GIT1: variants seen among roughly 807,000 people sequenced by gnomAD.
The protein encoded by GIT1 is ARF GTPase-activating protein GIT1.
GIT1 carries 14 observed loss-of-function variants against 91.7 expected under a neutral mutation model. The ratio of observed to expected loss-of-function variants is 0.15; its 90% CI spans 0.10 to 0.24. The LOEUF is 0.24. Among genes scored for constraint, GIT1 ranks in the 10% least tolerant of loss-of-function variants. The pLI is 1.00. For synonymous variants in GIT1, 414 were observed against 418.2 expected (o/e 0.99, Z 0.12); for missense variants, 717 against 1,024.9 (o/e 0.70, Z 4.10).
chr17:29,579,778 C>T (rs543003293), intron 7 of GIT1, among the ~76,000 whole-genome samples: 6 of 152,282 alleles, frequency 3.9e-5, no homozygotes, highest in Admixed American at 3.9e-4. Flanking sequence ...ATCCTCTCCT[C>T]CCTGAAAAAT....
chr17:29,574,626 G>A lies in GIT1; in HGVS notation c.*76C>T, dbSNP rs1329245326. ...TGTGCCAGTGGCTCTGTTGGGGTGGGGATTAATGTCTGGAGTGGCCCAGCT... is the reference window on the plus strand; with the variant it reads ...TGTGCCAGTGGCTCTGTTGGGGTGGAGATTAATGTCTGGAGTGGCCCAGCT... On this transcript the variant is annotated 3_prime_UTR_variant, in exon 20 of 20. Coordinates refer to ENST00000225394, the MANE Select transcript of GIT1 (RefSeq NM_014030.4). The A allele has an allele frequency of 8.4e-7, 1 of 1,197,202 alleles. No individual in the cohort carries two copies. Among genetic ancestry groups the A allele is most frequent in the Non-Finnish European group, 1.2e-6 (1 of 807,848 alleles). 74.2% of individuals were successfully genotyped at this position (1,197,202 alleles called of 1,614,324 possible).
chr17:29,574,433 G>T lies in GIT1; in HGVS notation c.*269C>A. ...GGCGAGGGGCTGGGAGTGATGCCTT[G>T]CAGGCCCCTGCTCACTAGGAGGGGG... On this transcript the variant is annotated 3_prime_UTR_variant, in exon 20 of 20. Transcript: ENST00000225394. The T allele has an allele frequency of 2.0e-6, 1 of 503,786 alleles. No homozygotes were observed. Among genetic ancestry groups the T allele is most frequent in the East Asian group, 3.5e-5 (1 of 28,284 alleles). 31.2% of individuals were successfully genotyped at this position (503,786 alleles called of 1,614,324 possible). A position where few individuals can be genotyped will look rare whatever the true frequency, so the allele number is the denominator to read the frequency against.
intron 9 of GIT1, 87 bp from the exon 10 acceptor site, chr17:29,577,829 C>T: frequency 1.2e-6 from 1 of 809,310 alleles, no homozygotes; most frequent in South Asian, 1.4e-5. Context: ...GCCTTCCTAG[C>T]TGCCCCCACG....
chr17:29,585,314 T>TTCCTCTTGGTGGGG (rs2033557863), intron 1 of GIT1, among the ~76,000 whole-genome samples: 1 of 152,068 alleles, frequency 6.6e-6, no homozygotes, highest in Non-Finnish European at 1.5e-5. Flanking sequence ...GCAGCCCAAA[T>TTCCTCTTGGTGGGG]TCCTCTTGGT....
Position 29,574,681 on chromosome 17 carries a change from G to A in GIT1, c.*21C>T, listed in dbSNP as rs762988606. On this transcript the variant is annotated 3_prime_UTR_variant, in exon 20 of 20. Transcript: ENST00000225394. ...TGGCCAGTGAGGTCCTAGGGTGCAGGTGAGGGTGTGGGGAGAGAGGTCACT... is the reference window on the plus strand; with the variant it reads ...TGGCCAGTGAGGTCCTAGGGTGCAGATGAGGGTGTGGGGAGAGAGGTCACT... 1.1e-5 allele frequency: 18 copies of A among 1,584,606 alleles called. No homozygotes were observed. The highest frequency in any genetic ancestry group is 3.3e-5 in the Admixed American group (2 of 59,852).
At position 29,581,310 on chromosome 17, in the gene GIT1, T is replaced by C. The variant is rs1362568954; in HGVS notation, c.761+28A>G. ...CACCCACATGGCATCCAACAGCCTC[T>C]GGAAAGGGGCATCAGGTGGGCACTC... is the stretch of plus-strand genomic sequence containing the variant. On this transcript the variant is annotated intron_variant, in intron 7 of 19. Coordinates refer to ENST00000225394, the MANE Select transcript of GIT1 (RefSeq NM_014030.4). This position sits in a 1 kb window ranked among gnomAD's most constrained non-coding sequence, Gnocchi z 4.8. 6.3e-7 allele frequency: 1 copy of C among 1,589,696 alleles called. No individual in the cohort carries two copies. Among genetic ancestry groups the C allele is most frequent in the East Asian group, 2.2e-5 (1 of 44,800 alleles).
At chr17:29,578,443 G>A (rs1339132427) in intron 8 of GIT1, 72 bp from the exon 9 acceptor site, 2 of 1,405,628 alleles carry the variant, frequency 1.4e-6, no homozygotes, top group African/African-American at 2.8e-5. Context: ...TCCCCAGCAT[G>A]TTGTGAGCCT....
intron 2 of GIT1, 124 bp from the exon 3 acceptor site, chr17:29,583,161 C>T: frequency 1.5e-6 from 1 of 681,202 alleles, no homozygotes; most frequent in Non-Finnish European, 2.6e-6. Context: ...CTACTGTGTG[C>T]CCGCACCACC....
At chr17:29,583,272 A>T (rs897580202) in intron 2 of GIT1, among the ~76,000 whole-genome samples, 4 of 152,184 alleles carry the variant, frequency 2.6e-5, no homozygotes, top group African/African-American at 9.7e-5. Context: ...GACCACGTTG[A>T]TAAGTGGCAG....
chr17:29,574,755 C>T lies in GIT1; in HGVS notation c.2233G>A (p.Ala745Thr), dbSNP rs975963915. 8 of 1,613,388 alleles carry T rather than the reference C, an allele frequency of 5.0e-6. No homozygotes were observed. Among genetic ancestry groups the T allele is most frequent in the Admixed American group, 1.7e-5 (1 of 59,974 alleles). ...GTGACCAGCTGCTTGGCAGCCTTGGCGATGTCATAGGCGCACTGGATCACC... is the reference window on the plus strand; with the variant it reads ...GTGACCAGCTGCTTGGCAGCCTTGGTGATGTCATAGGCGCACTGGATCACC... ...QQVIQCAYDI[A>T]KAAKQLVTIT... The change falls in exon 20 of 20, where the codon GCC becomes ACC. Residue 745 changes from alanine to threonine, a missense_variant. Around this residue, in one of 3 missense-constraint regions of GIT1, gnomAD observed 134 missense variants for 223.8 expected, o/e 0.60. Coordinates refer to ENST00000225394, the MANE Select transcript of GIT1 (RefSeq NM_014030.4).
chr17:29,574,003 C>G lies in GIT1; in HGVS notation c.*699G>C, dbSNP rs1049398589. On this transcript the variant is annotated 3_prime_UTR_variant, in exon 20 of 20. Transcript: ENST00000225394. ...GCTGGTCCCACTGCTCTGGTCCCCT[C>G]ACCCCTCAAAACTCCAGATGGACCA... 2.0e-5 allele frequency: 3 copies of G among 152,496 alleles called. No individual in the cohort carries two copies. The allele number at this position is 152,496 out of a possible 1,614,324, so 9.4% of individuals were successfully genotyped here.
chr17:29,583,701 G>C (rs918903810), intron 1 of GIT1, 85 bp from the exon 2 acceptor site: 2 of 1,410,880 alleles, frequency 1.4e-6, no homozygotes, highest in Non-Finnish European at 1.9e-6. Flanking sequence ...GCCAAGCCTA[G>C]TACTCTCCAC....
chr17:29,575,415 G>C lies in GIT1; in HGVS notation c.1882C>G (p.Leu628Val), dbSNP rs773724411. The change falls in exon 18 of 20, where the codon CTG becomes GTG. Residue 628 changes from leucine (L) to valine (V), a missense_variant. Transcript: ENST00000225394. The surrounding 1 kb of genome is among the most constrained non-coding windows in gnomAD (Gnocchi z 5.5). The stretch of plus-strand genomic sequence containing the variant: ...TCTAGGTCTCCATCCAGGCTTTCCA[G>C]CTCTGGGTGGAAGTCTTCCTCTTTG... ...LGKEEDFHPE[L>V]ESLDGDLDPG... 3.7e-6 allele frequency: 6 copies of C among 1,613,226 alleles called. No homozygotes were observed. The highest frequency in any genetic ancestry group is 5.1e-6 in the Non-Finnish European group (6 of 1,179,434).
Position 29,577,004 on chromosome 17 carries a change from C to T in GIT1, c.1094-8G>A. ...GAGACAGCTCGAGGTTGTCTGAGGACACAGGAGTGTCACTCAGGCCACACT... is the reference window on the plus strand; with the variant it reads ...GAGACAGCTCGAGGTTGTCTGAGGATACAGGAGTGTCACTCAGGCCACACT... On this transcript the variant is annotated splice_polypyrimidine_tract_variant and splice_region_variant and intron_variant, in intron 11 of 19. Coordinates refer to ENST00000225394, the MANE Select transcript of GIT1 (RefSeq NM_014030.4). 6.2e-7 allele frequency: 1 copy of T among 1,603,976 alleles called. No individual in the cohort carries two copies. The highest frequency in any genetic ancestry group is 8.5e-7 in the Non-Finnish European group (1 of 1,179,808).
chr17:29,585,731 C>G (rs940305491), intron 1 of GIT1, among the ~76,000 whole-genome samples: 7 of 152,204 alleles, frequency 4.6e-5, no homozygotes, highest in Admixed American at 3.9e-4. Context: ...GCCCTTGGGA[C>G]TACCCAGATT....
At chr17:29,584,693 G>C (rs116595937) in intron 1 of GIT1, among the ~76,000 whole-genome samples, 2,058 of 152,328 alleles carry the variant, frequency 0.014, 55 homozygotes, top group African/African-American at 0.048. Flanking sequence ...GGGGGTGGGG[G>C]ACTGGCTCTC....
intron 1 of GIT1, among the ~76,000 whole-genome samples, chr17:29,586,042 C>G (rs1201633083): frequency 3.9e-5 from 6 of 152,144 alleles, no homozygotes; most frequent in Non-Finnish European, 5.9e-5. Context: ...CTCCCCTGAG[C>G]TAAGGGCCAG....
chr17:29,582,075 C>T lies in GIT1; in HGVS notation c.475G>A (p.Ala159Thr). 6.2e-7 allele frequency: 1 copy of T among 1,608,204 alleles called. No homozygotes were observed. The change falls in exon 5 of 20, where the codon GCC (alanine) becomes ACC (threonine). Residue 159 changes from alanine to threonine, a missense_variant. By Grantham distance (58) the Ala-to-Thr change is moderately conservative. Transcript: ENST00000225394. ...CLRLLSLGAQ[A>T]NFFHPEKGTT... ...CCCTTCTCTGGGTGGAAGAAGTTGG[C>T]CTGGGCACCCAGGGAGAGCAGGCGC...
intron 7 of GIT1, chr17:29,579,033 G>A (rs560354121): frequency 5.0e-6 from 8 of 1,595,278 alleles, no homozygotes; most frequent in South Asian, 2.2e-5. Context: ...GGACAGAGGC[G>A]GCAGTTACCC....
Sources: gnomAD v4.1 joint callset for allele counts (sites outside exome capture counted in the v4.1 genomes callset) on GRCh38, gnomAD v4.1.1 for gene constraint, gnomAD v4.1.1 regional missense constraint, Gnocchi (gnomAD v3.1) non-coding constraint, MANE v1.5 for transcripts, NCBI Gene and HGNC (gene_info 2026-07-23, HGNC 2026-07-21) for gene names.